Variants in MSI2 observed in about 807,000 individuals in gnomAD.
MSI2 encodes the protein RNA-binding protein Musashi homolog 2.
A neutral mutation model predicts 45.6 loss-of-function variants in MSI2; 17 were observed. The observed-to-expected ratio is 0.37, with a 90% confidence interval of 0.26 to 0.56. The LOEUF is 0.56. MSI2 is among the 20% of genes least tolerant of loss of function. MSI2 has a pLI of 0.77. For missense variants in MSI2, 293 were observed against 444.2 expected, an observed-to-expected ratio of 0.66 and a Z score of 3.06; for synonymous variants, 156 against 158.2, an observed-to-expected ratio of 0.99 and a Z score of 0.11.
intron 6 of MSI2, among the ~76,000 whole-genome samples, chr17:57,514,662 T>G (rs370630665): frequency 0.083 from 12,352 of 148,950 alleles, 556 homozygotes; most frequent in African/African-American, 0.12. Context: ...TTTTTTTTTT[T>G]TTTTTTTTTT....
rs35606406 is a variant in MSI2, at chr17:57,597,466, T to TAAAAAAAAAAA, written c.537+530_537+540dup. Among the ~76,000 whole-genome samples, 49 of 87,110 alleles carry TAAAAAAAAAAA rather than the reference T, an allele frequency of 5.6e-4. 2 individuals carry two copies. Among genetic ancestry groups the TAAAAAAAAAAA allele is most frequent in the East Asian group, 4.0e-3 (11 of 2,728 alleles). 57.1% of individuals were successfully genotyped at this position (87,110 alleles called of 152,430 possible). ...GGAAACATAGCCAGACCTCATCTCTTAAAAAAAAAAAAAAAAAAAAAAAAT... is the reference window on the plus strand; with the variant it reads ...GGAAACATAGCCAGACCTCATCTCTTAAAAAAAAAAAAAAAAAAAAAAAAAAAAAAAAAAAT... On this transcript the variant is annotated intron_variant, in intron 8 of 13. Transcript: ENST00000284073.
intron 7 of MSI2, among the ~76,000 whole-genome samples, chr17:57,548,118 G>A (rs567030832): frequency 2.0e-5 from 3 of 152,338 alleles, no homozygotes; most frequent in Middle Eastern, 3.4e-3. Context: ...TCCTCCCAGT[G>A]TGTGTAGAGG....
intron 5 of MSI2, among the ~76,000 whole-genome samples, chr17:57,375,949 T>C (rs1275991417): frequency 6.6e-6 from 1 of 152,196 alleles, no homozygotes; most frequent in Non-Finnish European, 1.5e-5. Context: ...AGTCAGCCTG[T>C]CCCGCCTTTG....
chr17:57,297,373 G>A (rs1432213134), intron 5 of MSI2, among the ~76,000 whole-genome samples: 10 of 151,958 alleles, frequency 6.6e-5, no homozygotes, highest in Non-Finnish European at 1.3e-4. Context: ...ACACTATACT[G>A]TAGTCAATAT....
intron 11 of MSI2, among the ~76,000 whole-genome samples, chr17:57,669,818 T>C (rs1912649369): frequency 6.6e-6 from 1 of 152,144 alleles, no homozygotes; most frequent in Admixed American, 6.5e-5. Flanking sequence ...CTCCATTGCA[T>C]TTGCCTCCCC....
chr17:57,595,096 A>G lies in MSI2; in HGVS notation c.455-1772A>G, dbSNP rs1216485593. Among the ~76,000 whole-genome samples the G allele has an allele frequency of 2.0e-5, 3 of 152,136 alleles. 1 individual carries two copies. The highest frequency in any genetic ancestry group is 4.1e-4 in the South Asian group (2 of 4,820). ...GAGCTATGCTAAAGGAGCTCCACAT[A>G]TCAGCTCCCTGTTTCCTGGTGTTCC... is the stretch of plus-strand genomic sequence containing the variant. On this transcript the variant is annotated intron_variant, in intron 7 of 13. Transcript: ENST00000284073.
chr17:57,349,955 C>A (rs1915885820), intron 5 of MSI2, among the ~76,000 whole-genome samples: 1 of 152,200 alleles, frequency 6.6e-6, no homozygotes, highest in Non-Finnish European at 1.5e-5. Flanking sequence ...CCTGAAAAAT[C>A]TCTCAAATAC....
At chr17:57,468,297 C>T (rs1171639321) in intron 6 of MSI2, among the ~76,000 whole-genome samples, 2 of 151,208 alleles carry the variant, frequency 1.3e-5, no homozygotes, top group Non-Finnish European at 2.9e-5. Context: ...GAGGCCGAGA[C>T]GGGCAGATCA....
intron 6 of MSI2, among the ~76,000 whole-genome samples, chr17:57,514,435 G>C (rs550778383): frequency 6.6e-6 from 1 of 152,176 alleles, no homozygotes; most frequent in Non-Finnish European, 1.5e-5. Context: ...TTTTTCCCTG[G>C]TCCCAATTTG....
At chr17:57,340,206 G>T (rs574270260) in intron 5 of MSI2, among the ~76,000 whole-genome samples, 1 of 152,336 alleles carries the variant, frequency 6.6e-6, no homozygotes, top group South Asian at 2.1e-4. Context: ...AAGAGGCTCA[G>T]ATCCATGGAG....
In MSI2 at chr17:57,493,881, G is replaced by A. The variant is rs550181455; in HGVS notation, c.406-35795G>A. Among the ~76,000 whole-genome samples, 161 of 152,260 alleles carry A rather than the reference G, an allele frequency of 1.1e-3. 1 individual carries two copies. Among genetic ancestry groups the A allele is most frequent in the African/African-American group, 3.7e-3 (155 of 41,548 alleles). On this transcript the variant is annotated intron_variant, in intron 6 of 13. Transcript: ENST00000284073. Reference sequence around the variant, plus strand: ...CACCCAACACTGTGAGGTAGGCGGAGCAGGGAAAGTTTTAATTACCATTAT... The same window carrying A: ...CACCCAACACTGTGAGGTAGGCGGAACAGGGAAAGTTTTAATTACCATTAT...
rs139288816 is a variant in MSI2, at chr17:57,553,646, C to T, written c.454+23922C>T. Among the ~76,000 whole-genome samples the T allele has an allele frequency of 3.4e-3, 525 of 152,308 alleles. 3 individuals are homozygous for T. Among genetic ancestry groups the T allele is most frequent in the African/African-American group, 0.012 (493 of 41,558 alleles). The stretch of plus-strand genomic sequence containing the variant: ...TCTATCTCGGCTCTGAATCATCCTT[C>T]GATTCTCATCGCGGAGGGGCAGAGA... On this transcript the variant is annotated intron_variant, in intron 7 of 13. Transcript: ENST00000284073.
intron 11 of MSI2, among the ~76,000 whole-genome samples, chr17:57,668,095 AG>A (rs1912507329): frequency 6.6e-6 from 1 of 152,172 alleles, no homozygotes; most frequent in Non-Finnish European, 1.5e-5. Flanking sequence ...GGTACTCAGA[AG>A]GCTGAGGCAG....
intron 5 of MSI2, among the ~76,000 whole-genome samples, chr17:57,351,725 G>T (rs772442473): frequency 1.3e-5 from 2 of 152,108 alleles, no homozygotes; most frequent in East Asian, 1.9e-4. Flanking sequence ...GTGTGGTGGC[G>T]CATGCCTGTA....
intron 5 of MSI2, among the ~76,000 whole-genome samples, chr17:57,366,243 G>A (rs1457489893): frequency 1.3e-5 from 2 of 152,172 alleles, no homozygotes; most frequent in Non-Finnish European, 2.9e-5. Flanking sequence ...TTTTCAGTTG[G>A]GGAAGTTGAG....
chr17:57,696,218 CCCT>C, the MSI2 span, among the ~76,000 whole-genome samples: 1 of 152,168 alleles, frequency 6.6e-6, no homozygotes, highest in African/African-American at 2.4e-5. Flanking sequence ...TGTCCTTCCT[CCCT>C]CCTCCCGCCA....
chr17:57,408,297 CATT>C (rs1191638381), intron 6 of MSI2, among the ~76,000 whole-genome samples: 6 of 152,156 alleles, frequency 3.9e-5, no homozygotes, highest in African/African-American at 1.2e-4. Context: ...AGGCATCAGA[CATT>C]ATTATTGCTC....
At chr17:57,309,338 A>G (rs558324175) in intron 5 of MSI2, among the ~76,000 whole-genome samples, 9 of 152,258 alleles carry the variant, frequency 5.9e-5, no homozygotes, top group East Asian at 5.8e-4. Flanking sequence ...TACTTGGATC[A>G]TGCCCCTGGT....
At chr17:57,408,854 G>A (rs553966921) in intron 6 of MSI2, among the ~76,000 whole-genome samples, 92 of 152,282 alleles carry the variant, frequency 6.0e-4, no homozygotes, top group South Asian at 2.3e-3. Context: ...TCTGTTGTTC[G>A]GTGGAGTGAA....
Sources: gnomAD v4.1 joint callset for allele counts (sites outside exome capture counted in the v4.1 genomes callset) on GRCh38, gnomAD v4.1.1 for gene constraint, MANE v1.5 for transcripts, NCBI Gene and HGNC (gene_info 2026-07-23, HGNC 2026-07-21) for gene names.